Variants in PTBP3 observed in about 807,000 individuals in gnomAD.
PTBP3 encodes polypyrimidine tract binding protein 3, also known as polypyrimidine tract-binding protein 3.
Under a neutral mutation model 58.7 loss-of-function variants are expected in PTBP3, and 20 were observed. The observed-to-expected ratio is 0.34, with a 90% CI of 0.24 to 0.50. The LOEUF (loss-of-function observed/expected upper bound fraction) is 0.50, where lower values mean the gene tolerates loss of function less well. Among genes scored for constraint, PTBP3 ranks in the 20% least tolerant of loss-of-function variants. The pLI is 0.98. For synonymous variants in PTBP3, 185 were observed against 219.8 expected (o/e 0.84, Z 1.40); for missense variants, 509 against 637.2 (o/e 0.80, Z 2.17).
intron 2 of PTBP3, among the ~76,000 whole-genome samples, chr9:112,284,650 C>T (rs1186861282): frequency 3.9e-5 from 6 of 152,130 alleles, no homozygotes; most frequent in Non-Finnish European, 7.3e-5. Flanking sequence ...TTGCCAAGAT[C>T]GTGCCACTGC....
intron 1 of PTBP3, among the ~76,000 whole-genome samples, chr9:112,319,306 G>A (rs1307496089): frequency 3.3e-5 from 5 of 152,138 alleles, no homozygotes; most frequent in Non-Finnish European, 5.9e-5. Context: ...GGGAGGCCAA[G>A]GCAGGAGGAT....
At chr9:112,313,189 T>C (rs1829559649) in intron 1 of PTBP3, among the ~76,000 whole-genome samples, 1 of 143,374 alleles carries the variant, frequency 7.0e-6, no homozygotes. Flanking sequence ...TTACATAATC[T>C]TACTCTGACA....
At chr9:112,371,669 T>TTTA in the PTBP3 span, among the ~76,000 whole-genome samples, 1 of 147,280 alleles carries the variant, frequency 6.8e-6, no homozygotes, top group African/African-American at 2.5e-5. Flanking sequence ...TTTTTTTTTT[T>TTTA]ACCAGATCCC....
chr9:112,251,106 A>G lies in PTBP3; in HGVS notation c.628-3T>C. On this transcript the variant is annotated splice_region_variant and splice_polypyrimidine_tract_variant and intron_variant, in intron 6 of 13. Transcript: ENST00000374257. ...TAGATATTCTGGCCATCCAGAGCCT[A>G]AAGCATGTAAGAAAGGGACTGGTTT... The G allele has an allele frequency of 6.4e-7, 1 of 1,551,836 alleles. No individual in the cohort carries two copies. Among genetic ancestry groups the G allele is most frequent in the Non-Finnish European group, 8.7e-7 (1 of 1,148,240 alleles).
rs1418640454 is a variant in PTBP3 at position 112,262,762 on chromosome 9, T to C, written c.352-163A>G. Among the ~76,000 whole-genome samples, 8 of 152,352 alleles carry C rather than the reference T, an allele frequency of 5.3e-5. No homozygotes were observed. In the East Asian group the frequency reaches 1.5e-3, roughly 29 times the overall value. ...TCCTAAATTTGTAATCAGTCAACAG[T>C]CAAACACCTCCCTGCATACCACAAT... On this transcript the variant is annotated intron_variant, in intron 4 of 13. Transcript: ENST00000374257.
At chr9:112,334,105 G>A (rs1207642988), upstream of PTBP3, among the ~76,000 whole-genome samples, 1 of 151,930 alleles carries the variant, frequency 6.6e-6, no homozygotes, top group Non-Finnish European at 1.5e-5. Flanking sequence ...CCGGGTGCGC[G>A]AGGCTGTAGA....
intron 4 of PTBP3, among the ~76,000 whole-genome samples, chr9:112,266,167 C>T (rs1452794423): frequency 6.6e-6 from 1 of 152,072 alleles, no homozygotes; most frequent in Non-Finnish European, 1.5e-5. Flanking sequence ...TGGGAAATGG[C>T]ATCTAGAGAC....
At chr9:112,355,237 G>T in the PTBP3 span, among the ~76,000 whole-genome samples, 18 of 152,198 alleles carry the variant, frequency 1.2e-4, no homozygotes, top group African/African-American at 4.3e-4. Context: ...GGAGGAGGGA[G>T]ATATTAAAGG....
chr9:112,301,287 A>C (rs1406266065), intron 1 of PTBP3, among the ~76,000 whole-genome samples: 1 of 142,482 alleles, frequency 7.0e-6, no homozygotes, highest in Non-Finnish European at 1.6e-5. Context: ...CTTCAAGGAA[A>C]AATTAAGACC....
the PTBP3 span, among the ~76,000 whole-genome samples, chr9:112,363,516 TCACACACA>T: frequency 3.5e-3 from 478 of 134,858 alleles, 4 homozygotes; most frequent in African/African-American, 8.2e-3. Flanking sequence ...AGCAAAACTG[TCACACACA>T]CACACACACA....
intron 7 of PTBP3, among the ~76,000 whole-genome samples, chr9:112,239,559 G>A (rs1042286764): frequency 1.3e-5 from 2 of 151,564 alleles, no homozygotes; most frequent in Non-Finnish European, 1.5e-5. Flanking sequence ...GTGAGACCCC[G>A]CCTCTCTATA....
intron 3 of PTBP3, among the ~76,000 whole-genome samples, chr9:112,272,124 G>A (rs1649929699): frequency 6.6e-6 from 1 of 151,520 alleles, no homozygotes; most frequent in African/African-American, 2.4e-5. Context: ...CCGCAGTGGC[G>A]TGATCTCAGC....
chr9:112,379,817 C>G, the PTBP3 span: 1 of 467,046 alleles, frequency 2.1e-6, no homozygotes, highest in African/African-American at 2.1e-5. Flanking sequence ...AAAAGGTGGA[C>G]GTAGCGGCTG....
intron 10 of PTBP3, among the ~76,000 whole-genome samples, chr9:112,230,830 G>A (rs137977801): frequency 3.3e-5 from 5 of 152,100 alleles, no homozygotes; most frequent in African/African-American, 9.7e-5. Context: ...CGAAAGTTTG[G>A]AGACTATTTT....
intron 1 of PTBP3, among the ~76,000 whole-genome samples, chr9:112,300,510 T>A (rs1365664788): frequency 1.3e-5 from 2 of 151,756 alleles, no homozygotes; most frequent in Non-Finnish European, 2.9e-5. Flanking sequence ...CCCAGCACTT[T>A]GGGAGGGCTT....
intron 1 of PTBP3, among the ~76,000 whole-genome samples, chr9:112,327,081 G>A (rs545257511): frequency 6.6e-6 from 1 of 152,060 alleles, no homozygotes; most frequent in East Asian, 1.9e-4. Flanking sequence ...TTAGCTGGGT[G>A]TGGTCCTAGC....
intron 2 of PTBP3, among the ~76,000 whole-genome samples, chr9:112,277,672 C>T (rs187883636): frequency 6.6e-6 from 1 of 151,950 alleles, no homozygotes; most frequent in Non-Finnish European, 1.5e-5. Flanking sequence ...GCCTGGGCAA[C>T]AGGGCAAAAC....
chr9:112,323,288 T>C (rs889204614), intron 1 of PTBP3, among the ~76,000 whole-genome samples: 1 of 152,148 alleles, frequency 6.6e-6, no homozygotes, highest in Non-Finnish European at 1.5e-5. Context: ...TCCAGTTAAA[T>C]CCTGCCTCCT....
At chr9:112,259,054 C>G (rs2132115337) in intron 5 of PTBP3, among the ~76,000 whole-genome samples, 1 of 152,300 alleles carries the variant, frequency 6.6e-6, no homozygotes, top group Non-Finnish European at 1.5e-5. Flanking sequence ...CGGGCTCAAG[C>G]TATCCTCCCA....
Sources: allele counts gnomAD v4.1 joint callset (sites outside exome capture counted in the v4.1 genomes callset), GRCh38; gene constraint gnomAD v4.1.1; transcripts MANE v1.5; gene names NCBI Gene and HGNC (gene_info 2026-07-23, HGNC 2026-07-21).